EVL: variants seen among roughly 807,000 people sequenced by gnomAD.
EVL encodes the protein Enah/Vasp-like, also known as ena/VASP-like protein.
Under a neutral mutation model 59.6 loss-of-function variants are expected in EVL, and 21 were observed. That is an observed-to-expected ratio of 0.35 (90% CI 0.25 to 0.51). The LOEUF (loss-of-function observed/expected upper bound fraction) is 0.51. Among genes scored for constraint, EVL ranks in the 20% least tolerant of loss-of-function variants. The pLI is 0.97. For missense variants in EVL, 462 were observed against 546.6 expected (o/e 0.85, Z 1.54); for synonymous variants, 198 against 203.5 (o/e 0.97, Z 0.23).
chr14:100,142,783 G>A (rs966887023), intron 13 of EVL, among the ~76,000 whole-genome samples: 2 of 152,220 alleles, frequency 1.3e-5, no homozygotes, highest in African/African-American at 2.4e-5. Flanking sequence ...CAGCCTGGGC[G>A]ATAGGCAGGC....
At chr14:99,976,776 T>C (rs2060773183) in intron 1 of EVL, among the ~76,000 whole-genome samples, 1 of 152,212 alleles carries the variant, frequency 6.6e-6, no homozygotes. Context: ...CCTCCTAATG[T>C]TCTCTTCTTC....
At chr14:100,043,343 T>TTC (rs1331565768) in intron 1 of EVL, among the ~76,000 whole-genome samples, 2 of 151,710 alleles carry the variant, frequency 1.3e-5, no homozygotes, top group Non-Finnish European at 2.9e-5. Flanking sequence ...AAGGGAGGAC[T>TTC]TATTAGAGGT....
chr14:100,077,777 G>A (rs1179639374), intron 1 of EVL, among the ~76,000 whole-genome samples: 5 of 152,020 alleles, frequency 3.3e-5, no homozygotes, highest in Non-Finnish European at 7.4e-5. Context: ...TTTTTTGTTT[G>A]TTTTTGTTTT....
intron 1 of EVL, among the ~76,000 whole-genome samples, chr14:99,993,357 C>G (rs1034062301): frequency 6.6e-6 from 1 of 152,078 alleles, no homozygotes; most frequent in East Asian, 1.9e-4. Flanking sequence ...CGCGCCCGGT[C>G]GTTTAATCCT....
chr14:100,048,791 C>T (rs1314299788), intron 1 of EVL, among the ~76,000 whole-genome samples: 6 of 152,134 alleles, frequency 3.9e-5, no homozygotes, highest in South Asian at 2.1e-4. Context: ...CACAACAGCT[C>T]GGATGAATCT....
intron 13 of EVL, among the ~76,000 whole-genome samples, chr14:100,143,094 C>T (rs1432228498): frequency 6.6e-6 from 1 of 152,052 alleles, no homozygotes; most frequent in Non-Finnish European, 1.5e-5. Flanking sequence ...GGGATGGATA[C>T]CAGAGGAAGG....
At chr14:100,058,508 A>G (rs1229742091) in intron 1 of EVL, among the ~76,000 whole-genome samples, 1 of 152,162 alleles carries the variant, frequency 6.6e-6, no homozygotes, top group Non-Finnish European at 1.5e-5. Context: ...GCTACCTCAA[A>G]CAGGATACGT....
rs560774260 is a variant in EVL, at chr14:100,123,624, C to T, written c.422+22C>T. 9.9e-6 allele frequency: 16 copies of T among 1,613,280 alleles called. No individual in the cohort carries two copies. The South Asian group carries it at 1.6e-4, about 17-fold the overall frequency. ...GAAGGTAACCCAGCACCCGCAGGGGCCAGGCTGGTCATCTCCCAATCAGGC... is the reference window on the plus strand; with the variant it reads ...GAAGGTAACCCAGCACCCGCAGGGGTCAGGCTGGTCATCTCCCAATCAGGC... On this transcript the variant is annotated intron_variant, in intron 4 of 13. Coordinates refer to ENST00000392920, the MANE Select transcript of EVL (RefSeq NM_016337.3).
chr14:100,000,340 CTTTTTTTTT>C (rs60864913), intron 1 of EVL, among the ~76,000 whole-genome samples: 9 of 99,846 alleles, frequency 9.0e-5, no homozygotes, highest in African/African-American at 3.4e-4. Flanking sequence ...CTGTTGCATT[CTTTTTTTTT>C]TTTTTTTTTT....
At position 100,143,912 on chromosome 14, in the gene EVL, CCT is replaced by C; in HGVS notation, c.*175_*176del. The stretch of plus-strand genomic sequence containing the variant: ...GACAGTGAGGAAACCAAGTGCAACT[CCT>C]GGGTTTTTTTAGATTCTGCCTGACA... On this transcript the variant is annotated 3_prime_UTR_variant, in exon 14 of 14. Coordinates refer to ENST00000392920, the MANE Select transcript of EVL (RefSeq NM_016337.3). 2 of 693,014 alleles carry C rather than the reference CCT, an allele frequency of 2.9e-6. No homozygotes were observed. Among genetic ancestry groups the C allele is most frequent in the Non-Finnish European group, 4.7e-6 (2 of 425,530 alleles). 42.9% of individuals were successfully genotyped at this position (693,014 alleles called of 1,614,324 possible).
intron 1 of EVL, among the ~76,000 whole-genome samples, chr14:100,021,880 G>A (rs769413656): frequency 1.3e-5 from 2 of 152,030 alleles, no homozygotes; most frequent in Non-Finnish European, 2.9e-5. Flanking sequence ...ACAGGTAGGT[G>A]AACCACCGGT....
intron 5 of EVL, 39 bp from the exon 6 acceptor site, chr14:100,128,480 G>A (rs932673075): frequency 6.2e-7 from 1 of 1,604,888 alleles, no homozygotes; most frequent in Non-Finnish European, 8.5e-7. Context: ...GCCCCCAGCT[G>A]GGTGCTGGAG....
At chr14:100,070,860 G>A (rs2062034688) in intron 1 of EVL, among the ~76,000 whole-genome samples, 1 of 152,202 alleles carries the variant, frequency 6.6e-6, no homozygotes, top group Non-Finnish European at 1.5e-5. Flanking sequence ...CAAATTTTGA[G>A]ATGAAGACAC....
Position 100,108,584 on chromosome 14 carries a change from G to C in EVL, c.358+10926G>C, listed in dbSNP as rs1886734902. On this transcript the variant is annotated intron_variant, in intron 3 of 13. Coordinates refer to ENST00000392920, the MANE Select transcript of EVL (RefSeq NM_016337.3). The surrounding 1 kb of genome is among the most constrained non-coding windows in gnomAD (Gnocchi z 4.1). ...GGCTCCAGATGTTGTATCAGGCAGGGCCTTTGTACGCCTCCATGCCAACAG... is the reference window on the plus strand; with the variant it reads ...GGCTCCAGATGTTGTATCAGGCAGGCCCTTTGTACGCCTCCATGCCAACAG... Among the ~76,000 whole-genome samples, 3 of 152,112 alleles carry C rather than the reference G, an allele frequency of 2.0e-5. No individual in the cohort carries two copies. The highest frequency in any genetic ancestry group is 2.0e-4 in the Admixed American group (3 of 15,266).
At chr14:99,983,513 T>A (rs1240148460) in intron 1 of EVL, among the ~76,000 whole-genome samples, 1 of 152,204 alleles carries the variant, frequency 6.6e-6, no homozygotes, top group African/African-American at 2.4e-5. Context: ...AGCTTGGTTT[T>A]GGCAGCCGCC....
At chr14:100,100,457 C>G (rs1255414141) in intron 3 of EVL, among the ~76,000 whole-genome samples, 1 of 152,160 alleles carries the variant, frequency 6.6e-6, no homozygotes, top group East Asian at 1.9e-4. Flanking sequence ...GCAGATGCAA[C>G]TTGATGAACT....
At chr14:99,971,880 C>G (rs1437233427) in exon 1 of EVL, 2 of 147,406 alleles carry the variant, frequency 1.4e-5, no homozygotes, top group Non-Finnish European at 1.5e-5. Flanking sequence ...GCTAGCGGCC[C>G]CGACGCCCAC....
At chr14:100,054,916 T>A (rs140817238) in intron 1 of EVL, among the ~76,000 whole-genome samples, 1,733 of 152,142 alleles carry the variant, frequency 0.011, 39 homozygotes, top group Admixed American at 0.039. Context: ...CTAATCTGTG[T>A]CCTGGCCGGG....
At chr14:100,084,240 G>A (rs1421276165) in intron 1 of EVL, among the ~76,000 whole-genome samples, 1 of 151,552 alleles carries the variant, frequency 6.6e-6, no homozygotes, top group Non-Finnish European at 1.5e-5. Context: ...TTAGAGGCAG[G>A]GGGCATCTCA....
Sources: allele counts gnomAD v4.1 joint callset (sites outside exome capture counted in the v4.1 genomes callset), GRCh38; gene constraint gnomAD v4.1.1; non-coding constraint Gnocchi (gnomAD v3.1); transcripts MANE v1.5; gene names NCBI Gene and HGNC (gene_info 2026-07-23, HGNC 2026-07-21).